The following ABCB6 variants were observed in gnomAD, a reference collection of about 807,000 sequenced individuals.
ABCB6 encodes the protein ATP binding cassette subfamily B member 6 (LAN blood group).
In ABCB6, 87 loss-of-function variants were observed where a neutral mutation model predicts 99.4. The ratio of observed to expected loss-of-function variants is 0.88; its 90% CI spans 0.74 to 1.05. The LOEUF (loss-of-function observed/expected upper bound fraction) is 1.05, where lower values mean the gene tolerates loss of function less well. ABCB6 is among the 50% of genes least tolerant of loss of function. ABCB6 has a pLI of 0.00. For synonymous variants in ABCB6, 482 were observed against 447.5 expected, an observed-to-expected ratio of 1.08 and a Z score of -0.97; for missense variants, 1,050 against 1,097.9, an observed-to-expected ratio of 0.96 and a Z score of 0.62.
chr2:219,212,471 C>T lies in ABCB6; in HGVS notation c.1884G>A (p.Gly628=). The T allele has an allele frequency of 1.2e-6, 2 of 1,614,086 alleles. No homozygotes were observed. The highest frequency in any genetic ancestry group is 1.7e-6 in the Non-Finnish European group (2 of 1,180,016). Residue 628 remains glycine, a synonymous_variant, in exon 14 of 19, where the codon GGG becomes GGA. Transcript: ENST00000265316. ...ACAGCAGGCGCAAAATTGTGCTCTT[C>T]CCTGCCCCAGATGGGCCCACCTGTT... The part of the protein sequence containing the change: ...TLALVGPSGA[G]KSTILRLLFR...
chr2:219,213,398 G>T (rs923617817), intron 11 of ABCB6, 41 bp downstream of exon 11: 22 of 1,613,578 alleles, frequency 1.4e-5, no homozygotes, highest in African/African-American at 9.3e-5. Flanking sequence ...ACACCACACA[G>T]CTCCTCCCTC....
At position 219,218,485 on chromosome 2, in the gene ABCB6, A is replaced by G. The variant is rs1207004051; in HGVS notation, c.189T>C (p.Ser63=). The change falls in exon 1 of 19, where the codon TCT becomes TCC. Residue 63 remains serine (S), a synonymous_variant. Transcript: ENST00000265316. ...GAGAGATGCGAGGGCCGGCCCCCCA[A>G]GACAGCGAATCAGCACCAGCGGGCC... The part of the protein sequence containing the change: ...RERPAGADSL[S]WGAGPRISPY... 6.2e-7 allele frequency: 1 copy of G among 1,608,662 alleles called. No homozygotes were observed.
intron 2 of ABCB6, 25 bp downstream of exon 2, chr2:219,217,643 CAA>C (rs370883149): frequency 3.0e-4 from 367 of 1,218,004 alleles, no homozygotes; most frequent in South Asian, 4.4e-4. Context: ...ACTCCGTCTC[CAA>C]AAAAAAAAAG....
intron 8 of ABCB6, 41 bp from the exon 9 acceptor site, chr2:219,213,992 A>G (rs750852272): frequency 1.0e-4 from 163 of 1,612,924 alleles, no homozygotes; most frequent in Non-Finnish European, 1.3e-4. Flanking sequence ...CCTATACACA[A>G]TGGCCATCAG....
At chr2:219,218,083 C>A in intron 1 of ABCB6, 42 bp downstream of exon 1, 1 of 1,557,452 alleles carries the variant, frequency 6.4e-7, no homozygotes, top group South Asian at 1.2e-5. Context: ...TTCTCCCAAG[C>A]CCGGCCAGCA....
Position 219,214,855 on chromosome 2 carries a change from C to G in ABCB6, c.1276+106G>C, listed in dbSNP as rs903471985. ...AGCACTAGGAGCCCATTCAAGTCCA[C>G]CAATCCACAGCCTCCCATAGGTGGG... On this transcript the variant is annotated intron_variant, in intron 6 of 18. Transcript: ENST00000265316. 2.1e-6 allele frequency: 3 copies of G among 1,402,612 alleles called. No homozygotes were observed. In the Admixed American group the frequency reaches 6.0e-5, roughly 28 times the overall value. 86.9% of individuals were successfully genotyped at this position (1,402,612 alleles called of 1,614,324 possible). A position where few individuals can be genotyped will look rare whatever the true frequency, so the allele number is the denominator to read the frequency against.
chr2:219,218,736 C>A lies in ABCB6; in HGVS notation c.-63G>T. 1 of 1,463,922 alleles carries A rather than the reference C, an allele frequency of 6.8e-7. No homozygotes were observed. The highest frequency in any genetic ancestry group is 9.0e-7 in the Non-Finnish European group (1 of 1,106,172). The allele number at this position is 1,463,922 out of a possible 1,614,324, so 90.7% of individuals were successfully genotyped here. ...CGGGACCGGAGGCCGGGACTGGTCA[C>A]TCGGAGAGGGGCGCGGACATCCGGG... On this transcript the variant is annotated 5_prime_UTR_variant, in exon 1 of 19. Coordinates refer to ENST00000265316, the MANE Select transcript of ABCB6 (RefSeq NM_005689.4).
At position 219,210,818 on chromosome 2, in the gene ABCB6, T is replaced by A; in HGVS notation, c.2149A>T (p.Arg717Trp). 6.2e-7 allele frequency: 1 copy of A among 1,613,900 alleles called. No homozygotes were observed. The highest frequency in any genetic ancestry group is 8.5e-7 in the Non-Finnish European group (1 of 1,179,960). Residue 717 changes from arginine to tryptophan, a missense_variant, in exon 16 of 19, where the codon AGG becomes TGG. By Grantham distance (101) the Arg-to-Trp change is moderately radical (BLOSUM62 -3). Transcript: ENST00000265316. ...AGTCCCCGCTCGCCCACCTGTGTCC[T>A]GTACCCTGTGGATATTACCCACCAC... ...DAIMAFPEGY[R>W]TQVGERGLKL...
intron 14 of ABCB6, 80 bp from the exon 15 acceptor site, chr2:219,211,188 G>T: frequency 6.6e-7 from 1 of 1,504,748 alleles, no homozygotes. Context: ...CCGGAAGCAC[G>T]TGGGATAAGA....
In ABCB6 at chr2:219,210,255, C is replaced by T. The variant is rs1460638206; in HGVS notation, c.2395G>A (p.Asp799Asn). The T allele has an allele frequency of 1.9e-6, 3 of 1,614,100 alleles. No homozygotes were observed. Among genetic ancestry groups the T allele is most frequent in the South Asian group, 2.2e-5 (2 of 91,096 alleles). ...VNADQILVIK[D>N]GCIVERGRHE... ...CGTCCCCTCTCCACGATGCAGCCATCCTTGATGACGAGGATCTGGTCAGCA... is the reference window on the plus strand; with the variant it reads ...CGTCCCCTCTCCACGATGCAGCCATTCTTGATGACGAGGATCTGGTCAGCA... The change falls in exon 18 of 19, where the codon GAT becomes AAT. Residue 799 changes from aspartate (D) to asparagine (N), a missense_variant. Transcript: ENST00000265316.
Position 219,209,989 on chromosome 2 carries a change from C to T in ABCB6, c.2478G>A (p.Gln826=). ...GVYADMWQLQ[Q]GQEETSEDTK... is the part of the protein sequence containing the mutation. Reference sequence around the variant, plus strand: ...TGTCTTCAGAGGTTTCTTCCTGTCCCTGCTGCAGCTGCCACATGTCAGCAT... The same window carrying T: ...TGTCTTCAGAGGTTTCTTCCTGTCCTTGCTGCAGCTGCCACATGTCAGCAT... Residue 826 remains glutamine, a synonymous_variant, in exon 19 of 19, where the codon CAG becomes CAA. Coordinates refer to ENST00000265316, the MANE Select transcript of ABCB6 (RefSeq NM_005689.4). The T allele has an allele frequency of 6.2e-7, 1 of 1,614,178 alleles. No individual in the cohort carries two copies. Among genetic ancestry groups the T allele is most frequent in the Non-Finnish European group, 8.5e-7 (1 of 1,180,040 alleles).
chr2:219,210,596 AGT>A (rs1328876003), intron 16 of ABCB6, 113 bp downstream of exon 16: 12 of 1,591,722 alleles, frequency 7.5e-6, no homozygotes, highest in Middle Eastern at 3.5e-4. Flanking sequence ...AGAACTGGAA[AGT>A]GTGTTTTGTG....
chr2:219,217,413 A>G (rs1950654773), intron 2 of ABCB6, among the ~76,000 whole-genome samples: 1 of 152,070 alleles, frequency 6.6e-6, no homozygotes, highest in South Asian at 2.1e-4. Flanking sequence ...TGGGAGGCTG[A>G]GGCAGGCGGA....
intron 14 of ABCB6, 84 bp from the exon 15 acceptor site, chr2:219,211,192 G>A: frequency 6.8e-7 from 1 of 1,466,212 alleles, no homozygotes; most frequent in African/African-American, 1.4e-5. Flanking sequence ...AAGCACGTGG[G>A]ATAAGAGGCT....
intron 8 of ABCB6, 53 bp from the exon 9 acceptor site, chr2:219,214,004 G>A: frequency 1.2e-6 from 2 of 1,612,898 alleles, no homozygotes; most frequent in Non-Finnish European, 1.7e-6. Context: ...GGCCATCAGT[G>A]AGTCCAAACC....
chr2:219,217,773 A>C lies in ABCB6; in HGVS notation c.584T>G (p.Val195Gly), dbSNP rs754485910. The C allele has an allele frequency of 2.5e-6, 4 of 1,614,022 alleles. No homozygotes were observed. Among genetic ancestry groups the C allele is most frequent in the Non-Finnish European group, 3.4e-6 (4 of 1,179,972 alleles). Residue 195 changes from valine to glycine, a missense_variant, in exon 2 of 19, where the codon GTC becomes GGC. Val to Gly is a moderately radical substitution (Grantham distance 109). Coordinates refer to ENST00000265316, the MANE Select transcript of ABCB6 (RefSeq NM_005689.4). ...QFSLWVLRYV[V>G]SGGLFVLGLW... ...ACCCAGGACAAACAGCCCTCCAGAG[A>C]CCACATACCGCAGCACCCACAGGCT...
chr2:219,213,500 A>G lies in ABCB6; in HGVS notation c.1658T>C (p.Met553Thr). ...CATGTCAATGAAGTTGGTCTGGATC[A>G]TCCTGCAAAAAGGTGCTGGTTAGGA... ...PLNWFGTYYR[M>T]IQTNFIDMEN... is the part of the protein sequence containing the mutation. Residue 553 changes from methionine to threonine, a missense_variant and splice_region_variant, in exon 11 of 19, where the codon ATG becomes ACG. Met to Thr is a moderately conservative substitution (Grantham distance 81, BLOSUM62 -1). Transcript: ENST00000265316. 1 of 1,614,240 alleles carries G rather than the reference A, an allele frequency of 6.2e-7. No homozygotes were observed. The highest frequency in any genetic ancestry group is 8.5e-7 in the Non-Finnish European group (1 of 1,180,042).
Position 219,218,218 on chromosome 2 carries a change from G to A in ABCB6, c.456C>T (p.Leu152=), listed in dbSNP as rs759094979. ...IKFRHSPGLL[L]LWTVAFAAEN... is the part of the protein sequence containing the mutation. ...CAGCTGCAAACGCCACAGTCCAGAGGAGCAGGAGACCAGGGCTGTGCCTGA... is the reference window on the plus strand; with the variant it reads ...CAGCTGCAAACGCCACAGTCCAGAGAAGCAGGAGACCAGGGCTGTGCCTGA... The change falls in exon 1 of 19, where the codon CTC becomes CTT. Residue 152 remains leucine (L), a synonymous_variant. Coordinates refer to ENST00000265316, the MANE Select transcript of ABCB6 (RefSeq NM_005689.4). The A allele has an allele frequency of 9.3e-6, 15 of 1,613,862 alleles. No homozygotes were observed. Among genetic ancestry groups the A allele is most frequent in the Admixed American group, 6.7e-5 (4 of 60,032 alleles).
In ABCB6 at chr2:219,213,253, C is replaced by T; in HGVS notation, c.1793G>A (p.Ser598Asn). Reference protein sequence around the residue: ...GRIEFENVHFSYADGRETLQD... With the variant: ...GRIEFENVHFNYADGRETLQD... ...AGGAAGGCCTCACCCATCGGCATAG[C>T]TGAAGTGCACGTTCTCAAACTCAAT... The change falls in exon 12 of 19, where the codon AGC (serine) becomes AAC (asparagine). Residue 598 changes from serine to asparagine, a missense_variant. Transcript: ENST00000265316. 1 of 1,614,208 alleles carries T rather than the reference C, an allele frequency of 6.2e-7. No individual in the cohort carries two copies. Among genetic ancestry groups the T allele is most frequent in the Non-Finnish European group, 8.5e-7 (1 of 1,180,048 alleles).
Sources: allele counts gnomAD v4.1 joint callset (sites outside exome capture counted in the v4.1 genomes callset), GRCh38; gene constraint gnomAD v4.1.1; transcripts MANE v1.5; gene names NCBI Gene and HGNC (gene_info 2026-07-23, HGNC 2026-07-21).